The following SH3BP2 variants were observed in gnomAD, a reference collection of about 807,000 sequenced individuals.
SH3BP2 encodes the protein SH3 domain-binding protein 2.
Under a neutral mutation model 56.2 loss-of-function variants are expected in SH3BP2, and 38 were observed. The observed-to-expected ratio is 0.68, with a 90% CI of 0.52 to 0.89. The LOEUF (loss-of-function observed/expected upper bound fraction) is 0.89, where lower values mean the gene tolerates loss of function less well. Among genes scored for constraint, SH3BP2 ranks in the 40% least tolerant of loss-of-function variants. The pLI, the probability that SH3BP2 is intolerant of heterozygous loss-of-function variation, is 0.00. For synonymous variants in SH3BP2, 346 were observed against 316.7 expected, an observed-to-expected ratio of 1.09 and a Z score of -0.98; for missense variants, 748 against 762.6, an observed-to-expected ratio of 0.98 and a Z score of 0.23.
intron 1 of SH3BP2, among the ~76,000 whole-genome samples, chr4:2,793,382 A>G (rs1722961296): frequency 7.4e-6 from 1 of 135,368 alleles, no homozygotes; most frequent in South Asian, 2.4e-4. Flanking sequence ...GGGTCCCGGC[A>G]GGTATGGGCG....
At position 2,836,283 on chromosome 4, in the gene SH3BP2, C is replaced by T. The variant is rs1243517304; in HGVS notation, c.*2449C>T. The stretch of plus-strand genomic sequence containing the variant: ...TGTGTTGGGGTGGGATGGGGCAGGC[C>T]GTGGTCCTCCAGCATGAAGAAGGAG... On this transcript the variant is annotated 3_prime_UTR_variant, in exon 13 of 13. Transcript: ENST00000503393. The T allele has an allele frequency of 2.0e-5, 3 of 152,418 alleles. No individual in the cohort carries two copies. The highest frequency in any genetic ancestry group is 4.1e-4 in the South Asian group (2 of 4,820). The allele number at this position is 152,418 out of a possible 1,614,324, so 9.4% of individuals were successfully genotyped here. A position where few individuals can be genotyped will look rare whatever the true frequency, so the allele number is the denominator to read the frequency against.
chr4:2,832,785 A>G (rs1725062784), intron 11 of SH3BP2, among the ~76,000 whole-genome samples: 1 of 151,870 alleles, frequency 6.6e-6, no homozygotes, highest in Non-Finnish European at 1.5e-5. Context: ...GGTGGTTATG[A>G]GCTGTTGCTC....
rs1254786000 is a variant in SH3BP2 at position 2,826,521 on chromosome 4, T to C, written c.429-709T>C. On this transcript the variant is annotated intron_variant, in intron 5 of 12. Coordinates refer to ENST00000503393, the MANE Select transcript of SH3BP2 (RefSeq NM_001122681.2). ...GTCTGCGTGTTGCTCTGTGTGTGTG[T>C]GCATGTCCGCGTGTTGCTCTGTGTG... is the stretch of plus-strand genomic sequence containing the variant. The C allele has an allele frequency of 1.5e-5, 4 of 272,996 alleles. No individual in the cohort carries two copies. In the East Asian group the frequency reaches 3.3e-4, roughly 22 times the overall value. The allele number at this position is 272,996 out of a possible 1,614,324, so 16.9% of individuals were successfully genotyped here.
chr4:2,827,751 G>A (rs13137906), intron 7 of SH3BP2, 77 bp downstream of exon 7: 15 of 1,273,038 alleles, frequency 1.2e-5, no homozygotes, highest in Non-Finnish European at 1.7e-5. Flanking sequence ...GAGCCCCTCC[G>A]AGGCTGGGGA....
rs371732607 is a variant in SH3BP2 at position 2,835,471 on chromosome 4, C to T, written c.*1637C>T. ...GTGCACCACAGCCGAGGCTGGAGCA[C>T]AGGGAGCTTCTGTTGTTCTGATCTA... On this transcript the variant is annotated 3_prime_UTR_variant, in exon 13 of 13. Coordinates refer to ENST00000503393, the MANE Select transcript of SH3BP2 (RefSeq NM_001122681.2). 75 of 152,330 alleles carry T rather than the reference C, an allele frequency of 4.9e-4. No individual in the cohort carries two copies. Among genetic ancestry groups the T allele is most frequent in the African/African-American group, 1.8e-3 (73 of 41,546 alleles). The allele number at this position is 152,330 out of a possible 1,614,324, so 9.4% of individuals were successfully genotyped here. A position where few individuals can be genotyped will look rare whatever the true frequency, so the allele number is the denominator to read the frequency against.
At chr4:2,795,401 C>T (rs1260345056) in intron 1 of SH3BP2, among the ~76,000 whole-genome samples, 1 of 152,218 alleles carries the variant, frequency 6.6e-6, no homozygotes, top group Non-Finnish European at 1.5e-5. Flanking sequence ...CTGCCCTCCT[C>T]ACTCTCTGTC....
chr4:2,819,116 CTCTA>C (rs1180022296), intron 1 of SH3BP2: 1 of 158,468 alleles, frequency 6.3e-6, no homozygotes, highest in African/African-American at 2.4e-5. Context: ...AGATGGTTGT[CTCTA>C]TATGTTGCCC....
intron 7 of SH3BP2, 23 bp downstream of exon 7, chr4:2,827,697 G>C: frequency 6.6e-7 from 1 of 1,503,882 alleles, no homozygotes. Context: ...GGTGGGCCCG[G>C]GGAGCTCTGG....
intron 12 of SH3BP2, chr4:2,833,310 T>C (rs1358376671): frequency 3.4e-6 from 2 of 589,360 alleles, no homozygotes; most frequent in Non-Finnish European, 6.0e-6. Context: ...GTCTTGTCTT[T>C]TTCTTTTTGC....
intron 1 of SH3BP2, among the ~76,000 whole-genome samples, chr4:2,801,347 G>A (rs532055533): frequency 3.5e-4 from 54 of 152,314 alleles, no homozygotes; most frequent in African/African-American, 1.2e-3. Flanking sequence ...TCCCCTGCCC[G>A]GGCCCCGAGG....
intron 5 of SH3BP2, among the ~76,000 whole-genome samples, chr4:2,825,860 T>C (rs1380372463): frequency 1.3e-5 from 2 of 152,224 alleles, no homozygotes; most frequent in Non-Finnish European, 2.9e-5. Flanking sequence ...AGTCTGAGCC[T>C]TGGCAGCCTC....
intron 1 of SH3BP2, among the ~76,000 whole-genome samples, chr4:2,820,157 G>A (rs751343902): frequency 5.4e-4 from 82 of 152,332 alleles, no homozygotes; most frequent in Non-Finnish European, 9.3e-4. Flanking sequence ...TTTGAGCTGG[G>A]TGCTCTTGGC....
At chr4:2,817,624 G>C (rs1271174517) in intron 1 of SH3BP2, among the ~76,000 whole-genome samples, 1 of 152,166 alleles carries the variant, frequency 6.6e-6, no homozygotes, top group Non-Finnish European at 1.5e-5. Context: ...GCCTCTGCCG[G>C]CCTTTGGCCA....
chr4:2,824,826 C>T (rs1724510098), intron 4 of SH3BP2, 96 bp downstream of exon 4: 18 of 965,592 alleles, frequency 1.9e-5, no homozygotes, highest in Middle Eastern at 2.2e-4. Flanking sequence ...GGTCCTGGGG[C>T]GCTGGCCTCT....
At position 2,831,575 on chromosome 4, in the gene SH3BP2, T is replaced by C; in HGVS notation, c.1246T>C (p.Ser416Pro). ...TTCCTCTCCCTGCCCCTCCAGGCGATCACCCCCCGATGGGCAGAGTTTCAG... is the reference window on the plus strand; with the variant it reads ...TTCCTCTCCCTGCCCCTCCAGGCGACCACCCCCCGATGGGCAGAGTTTCAG... ...EKPQLPHLQR[S>P]PPDGQSFRSF... is the part of the protein sequence containing the mutation. Residue 416 changes from serine to proline, a missense_variant, in exon 9 of 13, where the codon TCA (serine) becomes CCA (proline). Transcript: ENST00000503393. The surrounding 1 kb of genome is among the most constrained non-coding windows in gnomAD (Gnocchi z 4.1). 1 of 1,581,742 alleles carries C rather than the reference T, an allele frequency of 6.3e-7. No homozygotes were observed. Among genetic ancestry groups the C allele is most frequent in the Non-Finnish European group, 8.6e-7 (1 of 1,162,976 alleles).
Position 2,820,466 on chromosome 4 carries a change from A to G in SH3BP2, c.-4-148A>G, listed in dbSNP as rs868467466. 3.1e-6 allele frequency: 3 copies of G among 977,964 alleles called. No homozygotes were observed. The Middle Eastern group carries it at 7.7e-4, about 252-fold the overall frequency. 60.6% of individuals were successfully genotyped at this position (977,964 alleles called of 1,614,324 possible). A position where few individuals can be genotyped will look rare whatever the true frequency, so the allele number is the denominator to read the frequency against. ...CCCTGGGGTCCCACCTGGAAGCCCAAGGCCCTCAGAAAAGGGGTTTCCTTG... is the reference window on the plus strand; with the variant it reads ...CCCTGGGGTCCCACCTGGAAGCCCAGGGCCCTCAGAAAAGGGGTTTCCTTG... On this transcript the variant is annotated intron_variant, in intron 1 of 12. Coordinates refer to ENST00000503393, the MANE Select transcript of SH3BP2 (RefSeq NM_001122681.2).
chr4:2,827,479 C>G, intron 6 of SH3BP2, 127 bp from the exon 7 acceptor site: 3 of 1,192,776 alleles, frequency 2.5e-6, no homozygotes, highest in Non-Finnish European at 2.4e-6. Flanking sequence ...GCGGCAGGGT[C>G]TGGACTCACA....
chr4:2,797,694 G>T (rs1344651612), intron 1 of SH3BP2, among the ~76,000 whole-genome samples: 1 of 152,150 alleles, frequency 6.6e-6, no homozygotes, highest in Non-Finnish European at 1.5e-5. Context: ...CCCATCCATG[G>T]TGACCTGTCC....
chr4:2,799,582 G>A (rs908218017), intron 1 of SH3BP2, among the ~76,000 whole-genome samples: 13 of 152,198 alleles, frequency 8.5e-5, no homozygotes, highest in African/African-American at 2.2e-4. Context: ...AGGATCTAGC[G>A]GGCCTTGCCC....
Sources: gnomAD v4.1 joint callset for allele counts (sites outside exome capture counted in the v4.1 genomes callset) on GRCh38, gnomAD v4.1.1 for gene constraint, Gnocchi (gnomAD v3.1) non-coding constraint, MANE v1.5 for transcripts, NCBI Gene and HGNC (gene_info 2026-07-23, HGNC 2026-07-21) for gene names.